MAP4K3: variants seen among roughly 807,000 people sequenced by gnomAD.
The protein encoded by MAP4K3 is MAPK/ERK kinase kinase kinase 3.
In MAP4K3, 94 loss-of-function variants were observed where a neutral mutation model predicts 143.5. The observed-to-expected ratio is 0.65, with a 90% CI of 0.55 to 0.78. The LOEUF (loss-of-function observed/expected upper bound fraction) is 0.78, where lower values mean the gene tolerates loss of function less well. Among genes scored for constraint, MAP4K3 ranks in the 30% least tolerant of loss-of-function variants. The pLI is 0.00. For synonymous variants in MAP4K3, 416 were observed against 347.2 expected (o/e 1.20, Z -2.20); for missense variants, 1,077 against 1,068.1 (o/e 1.01, Z -0.12).
intron 26 of MAP4K3, among the ~76,000 whole-genome samples, chr2:39,268,664 G>A: frequency 9.7e-5 from 2 of 20,600 alleles, no homozygotes; most frequent in Admixed American, 7.4e-4. Flanking sequence ...TTTTGAGACG[G>A]AGTCTCGCTC....
intron 2 of MAP4K3, among the ~76,000 whole-genome samples, chr2:39,371,562 G>C (rs533192522): frequency 2.0e-5 from 3 of 152,194 alleles, no homozygotes; most frequent in South Asian, 4.2e-4. Context: ...TGATGCAAAT[G>C]AACTAAATTC....
intron 1 of MAP4K3, among the ~76,000 whole-genome samples, chr2:39,395,457 G>C (rs1666780150): frequency 6.6e-6 from 1 of 152,034 alleles, no homozygotes; most frequent in Non-Finnish European, 1.5e-5. Context: ...AAAGAAAATG[G>C]AATGCTTCTG....
intron 28 of MAP4K3, among the ~76,000 whole-genome samples, chr2:39,263,877 G>C (rs1680668109): frequency 6.6e-6 from 1 of 152,114 alleles, no homozygotes; most frequent in Non-Finnish European, 1.5e-5. Flanking sequence ...GCATGCTCTT[G>C]ACATGGACAA....
intron 15 of MAP4K3, among the ~76,000 whole-genome samples, chr2:39,302,015 T>C (rs1216012792): frequency 1.3e-5 from 2 of 151,322 alleles, no homozygotes; most frequent in African/African-American, 4.9e-5. Flanking sequence ...AGAGAGAGAC[T>C]CTGTCTCAAA....
At chr2:39,362,621 C>T (rs1665801873) in intron 2 of MAP4K3, among the ~76,000 whole-genome samples, 2 of 152,132 alleles carry the variant, frequency 1.3e-5, no homozygotes, top group Non-Finnish European at 2.9e-5. Context: ...GTTCGTACTA[C>T]CCAATGCGAT....
chr2:39,434,298 A>C (rs1240941200), intron 1 of MAP4K3, among the ~76,000 whole-genome samples: 1 of 152,230 alleles, frequency 6.6e-6, no homozygotes, highest in Non-Finnish European at 1.5e-5. Context: ...AAATAACAAA[A>C]AAATGTAACT....
chr2:39,310,222 T>G (rs1328273234), intron 13 of MAP4K3, among the ~76,000 whole-genome samples: 1 of 152,214 alleles, frequency 6.6e-6, no homozygotes, highest in Admixed American at 6.5e-5. Context: ...TTTATTTTTG[T>G]ACCTATGAAA....
chr2:39,429,626 T>C (rs1465447403), intron 1 of MAP4K3, among the ~76,000 whole-genome samples: 1 of 152,218 alleles, frequency 6.6e-6, no homozygotes, highest in African/African-American at 2.4e-5. Context: ...TCTTTTCCTC[T>C]TTTTGCAATG....
At chr2:39,254,842 A>G (rs531837751) in intron 31 of MAP4K3, among the ~76,000 whole-genome samples, 93 of 152,258 alleles carry the variant, frequency 6.1e-4, no homozygotes, top group African/African-American at 2.2e-3. Flanking sequence ...GCCCTCCCAA[A>G]GTGCCAGGGT....
chr2:39,431,590 T>C (rs76918919), intron 1 of MAP4K3, among the ~76,000 whole-genome samples: 5,118 of 152,110 alleles, frequency 0.034, 123 homozygotes, highest in South Asian at 0.052. Flanking sequence ...GAGCTGAGAC[T>C]TTAAACGAAG....
Position 39,258,351 on chromosome 2 carries a change from T to C in MAP4K3, c.2467A>G (p.Ile823Val), listed in dbSNP as rs147007578. Residue 823 changes from isoleucine (I) to valine (V), a missense_variant, in exon 31 of 34, where the codon ATA (isoleucine) becomes GTA (valine). Physicochemically the swap from Ile to Val is conservative, Grantham distance 29 (BLOSUM62 3). This residue lies in a region of MAP4K3 where 864 missense variants were observed against 801.2 expected (regional missense o/e 1.08). Transcript: ENST00000263881. Reference sequence around the variant, plus strand: ...GAATTATAAAACTTTGACTTACCTATTGATTCAATCTGGAAATCAAAGGTG... The same window carrying C: ...GAATTATAAAACTTTGACTTACCTACTGATTCAATCTGGAAATCAAAGGTG... ...ELTFDFQIES[I>V]VCLQDSVLAF... 9.8e-5 allele frequency: 156 copies of C among 1,589,466 alleles called. No homozygotes were observed. Among genetic ancestry groups the C allele is most frequent in the Non-Finnish European group, 1.3e-4 (151 of 1,163,064 alleles).
At chr2:39,348,415 C>T (rs1372899692) in intron 3 of MAP4K3, among the ~76,000 whole-genome samples, 5 of 152,090 alleles carry the variant, frequency 3.3e-5, no homozygotes, top group African/African-American at 1.2e-4. Context: ...TTATAATATT[C>T]TATTTAGTTA....
At chr2:39,355,958 A>G (rs1665599747) in intron 3 of MAP4K3, among the ~76,000 whole-genome samples, 1 of 152,230 alleles carries the variant, frequency 6.6e-6, no homozygotes, top group South Asian at 2.1e-4. Flanking sequence ...GAAAGGGGCA[A>G]GAGAATGGCA....
rs80126719 is a variant in MAP4K3, at chr2:39,409,411, T to A, written c.96+27481A>T. 1.7e-3 allele frequency among the ~76,000 whole-genome samples: 254 copies of A among 152,314 alleles called. 6 individuals carry two copies. In the East Asian group the frequency reaches 0.024, roughly 14 times the overall value. ...CTCTCTGTTGTTCAAGGATCCACTC[T>A]AATATTGCTGAACTTCAATAAATGA... On this transcript the variant is annotated intron_variant, in intron 1 of 33. Coordinates refer to ENST00000263881, the MANE Select transcript of MAP4K3 (RefSeq NM_003618.4).
chr2:39,420,335 T>C (rs1464850720), intron 1 of MAP4K3, among the ~76,000 whole-genome samples: 1 of 152,266 alleles, frequency 6.6e-6, no homozygotes. Flanking sequence ...ATAGGTGTTT[T>C]ATATTTTATT....
At chr2:39,342,017 C>T (rs1665153524) in intron 4 of MAP4K3, among the ~76,000 whole-genome samples, 1 of 151,922 alleles carries the variant, frequency 6.6e-6, no homozygotes, top group African/African-American at 2.4e-5. Flanking sequence ...GACCCCACAC[C>T]CACACCAACA....
rs745598534 is a variant in MAP4K3, at chr2:39,260,609, A to T, written c.2305T>A (p.Ser769Thr). The change falls in exon 29 of 34, where the codon TCA (serine) becomes ACA (threonine). Residue 769 changes from serine (S) to threonine (T), a missense_variant. Physicochemically the swap from Ser to Thr is moderately conservative, Grantham distance 58 (BLOSUM62 1). Transcript: ENST00000263881. ...PNSTSSWFTE[S>T]DTPQTNVTHV... ...TAATTCCATAAAAATTACAAACCTG[A>T]TTCTGTAAACCATGAAGAGGTAGAA... is the stretch of plus-strand genomic sequence containing the variant. The T allele has an allele frequency of 6.2e-7, 1 of 1,613,766 alleles. No individual in the cohort carries two copies. The highest frequency in any genetic ancestry group is 2.2e-5 in the East Asian group (1 of 44,856).
Position 39,253,073 on chromosome 2 carries a change from A to C in MAP4K3, c.2542-1188T>G, listed in dbSNP as rs190984367. ...TTCTTATCTCCCTGCTCAGTTCCTC[A>C]CGTGATTTTAGAAAGTGTGAGCCCA... On this transcript the variant is annotated intron_variant, in intron 32 of 33. Transcript: ENST00000263881. Among the ~76,000 whole-genome samples, 390 of 152,272 alleles carry C rather than the reference A, an allele frequency of 2.6e-3. 2 individuals are homozygous for C. Among genetic ancestry groups the C allele is most frequent in the African/African-American group, 9.0e-3 (374 of 41,546 alleles).
At chr2:39,374,490 T>C (rs1394103431) in intron 2 of MAP4K3, among the ~76,000 whole-genome samples, 2 of 152,076 alleles carry the variant, frequency 1.3e-5, no homozygotes, top group Non-Finnish European at 2.9e-5. Context: ...AATACCAGCC[T>C]GCCCAACACA....
Sources: allele counts gnomAD v4.1 joint callset (sites outside exome capture counted in the v4.1 genomes callset), GRCh38; gene constraint gnomAD v4.1.1; regional missense constraint gnomAD v4.1.1; transcripts MANE v1.5; gene names NCBI Gene and HGNC (gene_info 2026-07-23, HGNC 2026-07-21).